MYO16: variants seen among roughly 807,000 people sequenced by gnomAD.
MYO16 encodes myosin XVI.
A neutral mutation model predicts 205.3 loss-of-function variants in MYO16; 94 were observed. That is an observed-to-expected ratio of 0.46 (90% CI 0.39 to 0.54). MYO16 has a LOEUF of 0.54. Ranked by LOEUF, MYO16 falls within the 20% of genes least tolerant of loss-of-function variation. MYO16 has a pLI of 0.00. For synonymous variants in MYO16, 988 were observed against 954.0 expected, an observed-to-expected ratio of 1.04 and a Z score of -0.66; for missense variants, 2,315 against 2,387.5, an observed-to-expected ratio of 0.97 and a Z score of 0.63.
intron 4 of MYO16, among the ~76,000 whole-genome samples, chr13:108,741,280 C>T (rs12428871): frequency 0.2 from 30,338 of 152,068 alleles, 3,250 homozygotes; most frequent in Middle Eastern, 0.32. Context: ...TGGAACCACC[C>T]CCTATAATAT....
chr13:108,684,542 G>T (rs910846135), intron 2 of MYO16, among the ~76,000 whole-genome samples: 4 of 152,186 alleles, frequency 2.6e-5, no homozygotes, highest in Admixed American at 1.3e-4. Context: ...CTGACACAGA[G>T]TTCCTATCTG....
the MYO16 span, among the ~76,000 whole-genome samples, chr13:108,572,736 C>T: frequency 6.6e-6 from 1 of 152,124 alleles, no homozygotes; most frequent in Non-Finnish European, 1.5e-5. Context: ...TTGGTGACCT[C>T]CACTTAATGG....
intron 16 of MYO16, among the ~76,000 whole-genome samples, chr13:108,932,197 G>A (rs1882285292): frequency 6.6e-6 from 1 of 151,914 alleles, no homozygotes; most frequent in Non-Finnish European, 1.5e-5. Context: ...ACTGTTTCTT[G>A]TTCTTTTCTC....
rs1243134002 is a variant in MYO16, at chr13:108,844,324, T to G, written c.1098-19T>G. ...CATTAGAAAGAGACTAATTGTAGTA[T>G]TGATTTTTTTTCCTGTAGCAGTCCC... On this transcript the variant is annotated intron_variant, in intron 9 of 34. Coordinates refer to ENST00000457511, the MANE Select transcript of MYO16 (RefSeq NM_001198950.3). 1 of 1,599,084 alleles carries G rather than the reference T, an allele frequency of 6.3e-7. No homozygotes were observed. Among genetic ancestry groups the G allele is most frequent in the African/African-American group, 1.3e-5 (1 of 74,656 alleles).
chr13:109,039,703 T>A (rs1029423766), intron 23 of MYO16, among the ~76,000 whole-genome samples: 1 of 152,130 alleles, frequency 6.6e-6, no homozygotes, highest in Non-Finnish European at 1.5e-5. Flanking sequence ...TAAAATAGTA[T>A]TGAATGAGAA....
Position 109,052,388 on chromosome 13 carries a change from C to A in MYO16, c.2961C>A (p.Phe987Leu), listed in dbSNP as rs561599115. 6.2e-7 allele frequency: 1 copy of A among 1,612,416 alleles called. No individual in the cohort carries two copies. Among genetic ancestry groups the A allele is most frequent in the South Asian group, 1.1e-5 (1 of 91,030 alleles). The stretch of plus-strand genomic sequence containing the variant: ...TATCTGCCTATCCTTCCTTTAAATT[C>A]CGAGGACATAAGTCTGCCCTGCTCA... Reference protein sequence around the residue: ...SLVSAYPSFKFRGHKSALLSK... With the variant: ...SLVSAYPSFKLRGHKSALLSK... The change falls in exon 25 of 35, where the codon TTC (phenylalanine) becomes TTA (leucine). Residue 987 changes from phenylalanine to leucine, a missense_variant. Phe to Leu is a conservative substitution (Grantham distance 22). This residue lies in a region of MYO16 where 1,213 missense variants were observed against 1,274.4 expected (regional missense o/e 0.95). Coordinates refer to ENST00000457511, the MANE Select transcript of MYO16 (RefSeq NM_001198950.3).
intron 23 of MYO16, among the ~76,000 whole-genome samples, chr13:109,028,765 C>T (rs1038231189): frequency 4.0e-5 from 6 of 151,400 alleles, no homozygotes; most frequent in African/African-American, 1.5e-4. Flanking sequence ...ATTGTAATCT[C>T]AGACACGTAG....
At chr13:108,643,505 T>C (rs1297054431) in intron 1 of MYO16, among the ~76,000 whole-genome samples, 1 of 152,238 alleles carries the variant, frequency 6.6e-6, no homozygotes. Flanking sequence ...TTCATTTCCT[T>C]TAGTAAATGT....
chr13:109,141,018 C>T lies in MYO16; in HGVS notation c.4806C>T (p.Pro1602=), dbSNP rs1255089404. 1.3e-5 allele frequency: 17 copies of T among 1,324,528 alleles called. No homozygotes were observed. The African/African-American group carries it at 1.4e-4, about 11-fold the overall frequency. 82.0% of individuals were successfully genotyped at this position (1,324,528 alleles called of 1,614,324 possible). Residue 1602 remains proline (P), a synonymous_variant, in exon 32 of 35, where the codon CCC becomes CCT. Coordinates refer to ENST00000457511, the MANE Select transcript of MYO16 (RefSeq NM_001198950.3). This position sits in a 1 kb window ranked among gnomAD's most constrained non-coding sequence, Gnocchi z 4.1. ...PSTPPPPPPP[P]GPPPAPYRPC... ...CGCCGCCCCCGCCCCCGCCCCCGCC[C>T]GGGCCGCCCCCCGCGCCCTACAGGC...
chr13:108,755,553 C>CAAAA lies in MYO16; in HGVS notation c.507+27980_507+27983dup, dbSNP rs200190650. Reference sequence around the variant, plus strand: ...GTCTGTGATTTTTCTCTTCAAATTGCAAAAAAAAAAAAATCAAAGGCATAG... The same window carrying CAAAA: ...GTCTGTGATTTTTCTCTTCAAATTGCAAAAAAAAAAAAAAAAATCAAAGGCATAG... On this transcript the variant is annotated intron_variant, in intron 4 of 34. Transcript: ENST00000457511. 7.1e-4 allele frequency among the ~76,000 whole-genome samples: 97 copies of CAAAA among 136,712 alleles called. 1 individual carries two copies. Among genetic ancestry groups the CAAAA allele is most frequent in the African/African-American group, 2.3e-3 (85 of 37,430 alleles). 89.7% of individuals were successfully genotyped at this position (136,712 alleles called of 152,430 possible).
chr13:108,973,747 A>G (rs1021529347), intron 20 of MYO16, among the ~76,000 whole-genome samples: 14 of 152,228 alleles, frequency 9.2e-5, no homozygotes, highest in African/African-American at 3.4e-4. Flanking sequence ...AGCATCTGAC[A>G]GCACTTAAGA....
chr13:109,140,854 C>T lies in MYO16; in HGVS notation c.4642C>T (p.Leu1548Phe). The change falls in exon 32 of 35, where the codon CTC becomes TTC. Residue 1548 changes from leucine (L) to phenylalanine (F), a missense_variant. This residue lies in a region of MYO16 where 1,097 missense variants were observed against 1,092.0 expected (regional missense o/e 1.00). Transcript: ENST00000457511. This position sits in a 1 kb window ranked among gnomAD's most constrained non-coding sequence, Gnocchi z 8.0. ...GAAGCTGCCAGTCCTGGAGACCAAC[C>T]TCAAGTACCCCGTGCAGCCGGAGGG... The part of the protein sequence containing the change: ...VKKLPVLETN[L>F]KYPVQPEGSS... The T allele has an allele frequency of 6.3e-7, 1 of 1,597,876 alleles. No individual in the cohort carries two copies. Among genetic ancestry groups the T allele is most frequent in the Non-Finnish European group, 8.5e-7 (1 of 1,173,666 alleles).
At chr13:108,677,335 G>GTGTATATATATATATGCA (rs1247551957) in intron 2 of MYO16, among the ~76,000 whole-genome samples, 9 of 87,484 alleles carry the variant, frequency 1.0e-4, no homozygotes, top group African/African-American at 4.5e-4. Context: ...GTGTGTGTGT[G>GTGTATATATATATATGCA]TATATATATA....
intron 10 of MYO16, among the ~76,000 whole-genome samples, chr13:108,850,817 C>G (rs998800715): frequency 6.6e-6 from 1 of 152,160 alleles, no homozygotes; most frequent in African/African-American, 2.4e-5. Flanking sequence ...TGGCTCTGCC[C>G]CACTGTGTAA....
chr13:109,111,809 C>T (rs1889295775), intron 28 of MYO16, among the ~76,000 whole-genome samples: 1 of 152,004 alleles, frequency 6.6e-6, no homozygotes, highest in Non-Finnish European at 1.5e-5. Flanking sequence ...GCCTCAGCCT[C>T]CCAAGTAGCT....
At chr13:109,020,774 G>A (rs1885995800) in intron 23 of MYO16, among the ~76,000 whole-genome samples, 2 of 152,082 alleles carry the variant, frequency 1.3e-5, no homozygotes, top group Admixed American at 1.3e-4. Flanking sequence ...GCGTGCTAGA[G>A]GGTAAAATCT....
chr13:108,670,556 A>T (rs755289926), intron 2 of MYO16, among the ~76,000 whole-genome samples: 6 of 152,216 alleles, frequency 3.9e-5, no homozygotes, highest in Non-Finnish European at 7.3e-5. Context: ...CAAAGAAGGG[A>T]ACATGCAAGT....
intron 23 of MYO16, among the ~76,000 whole-genome samples, chr13:109,031,213 T>G (rs893491719): frequency 6.6e-6 from 1 of 152,100 alleles, no homozygotes; most frequent in Non-Finnish European, 1.5e-5. Flanking sequence ...AGCCTCAGCC[T>G]CCTGAGTAGC....
intron 1 of MYO16, among the ~76,000 whole-genome samples, chr13:108,631,023 A>C (rs1422221564): frequency 6.6e-6 from 1 of 152,216 alleles, no homozygotes; most frequent in East Asian, 1.9e-4. Context: ...TCTTTAACTA[A>C]TAAGAATTAG....
Sources: allele counts gnomAD v4.1 joint callset (sites outside exome capture counted in the v4.1 genomes callset), GRCh38; gene constraint gnomAD v4.1.1; regional missense constraint gnomAD v4.1.1; non-coding constraint Gnocchi (gnomAD v3.1); transcripts MANE v1.5; gene names NCBI Gene and HGNC (gene_info 2026-07-23, HGNC 2026-07-21).